The following ST7L variants were observed in gnomAD, a reference collection of about 807,000 sequenced individuals.
The protein encoded by ST7L is suppression of tumorigenicity 7 like, also known as suppressor of tumorigenicity 7 protein-like.
Under a neutral mutation model 72.5 loss-of-function variants are expected in ST7L, and 57 were observed. That is an observed-to-expected ratio of 0.79 (90% CI 0.64 to 0.98). The LOEUF is 0.98. Among genes scored for constraint, ST7L ranks in the 50% least tolerant of loss-of-function variants. The pLI, the probability that ST7L is intolerant of heterozygous loss-of-function variation, is 0.00. For missense variants in ST7L, 576 were observed against 672.2 expected (o/e 0.86, Z 1.58); for synonymous variants, 221 against 240.9 (o/e 0.92, Z 0.77).
At chr1:112,555,821 A>G (rs1659016547) in intron 12 of ST7L, 47 bp downstream of exon 12, 1 of 1,405,988 alleles carries the variant, frequency 7.1e-7, no homozygotes, top group South Asian at 1.9e-5. Context: ...TGTGAATTCA[A>G]TGAATAGTTA....
At chr1:112,577,438 G>A (rs988889576) in intron 10 of ST7L, among the ~76,000 whole-genome samples, 1 of 147,776 alleles carries the variant, frequency 6.8e-6, no homozygotes, top group African/African-American at 2.5e-5. Context: ...GCTGAGGCAG[G>A]AGAATCACTT....
intron 9 of ST7L, among the ~76,000 whole-genome samples, chr1:112,581,398 CTTTT>C (rs5777129): frequency 6.7e-5 from 9 of 135,196 alleles, no homozygotes; most frequent in East Asian, 2.2e-4. Flanking sequence ...GGCTCCCCGT[CTTTT>C]TTTTTTTTTT....
At chr1:112,557,006 A>G (rs1237485626) in intron 11 of ST7L, among the ~76,000 whole-genome samples, 1 of 148,800 alleles carries the variant, frequency 6.7e-6, no homozygotes, top group Non-Finnish European at 1.5e-5. Context: ...AAACACAAAG[A>G]AAAGAAAAAA....
chr1:112,540,290 G>A (rs1013068768), intron 14 of ST7L: 38 of 985,260 alleles, frequency 3.9e-5, no homozygotes, highest in Admixed American at 6.2e-5. Flanking sequence ...CACATACACA[G>A]TTGCACATTT....
Position 112,560,105 on chromosome 1 carries a change from A to G in ST7L, c.1246-4087T>C, listed in dbSNP as rs561663027. Reference sequence around the variant, plus strand: ...TCCAATTTGACTTTAAAACAAAGCAATTTTTCGGGCCAGGCGCAGTGGTTC... The same window carrying G: ...TCCAATTTGACTTTAAAACAAAGCAGTTTTTCGGGCCAGGCGCAGTGGTTC... On this transcript the variant is annotated intron_variant, in intron 11 of 14. Transcript: ENST00000358039. 2.0e-4 allele frequency among the ~76,000 whole-genome samples: 30 copies of G among 151,068 alleles called. 1 individual carries two copies. The highest frequency in any genetic ancestry group is 1.5e-3 in the Admixed American group (23 of 15,196).
intron 9 of ST7L, among the ~76,000 whole-genome samples, chr1:112,581,399 T>C (rs1267146674): frequency 2.6e-5 from 1 of 38,300 alleles, no homozygotes; most frequent in Non-Finnish European, 5.8e-5. Context: ...GCTCCCCGTC[T>C]TTTTTTTTTT....
At chr1:112,606,777 T>C (rs1203530471) in intron 3 of ST7L, among the ~76,000 whole-genome samples, 1 of 152,212 alleles carries the variant, frequency 6.6e-6, no homozygotes, top group East Asian at 1.9e-4. Context: ...GCTCTCCTCC[T>C]GGCCTTCAGA....
At chr1:112,578,248 T>C in intron 10 of ST7L, 97 bp downstream of exon 10, 4 of 1,184,274 alleles carry the variant, frequency 3.4e-6, no homozygotes, top group Non-Finnish European at 5.0e-6. Context: ...CAGAAGGAAG[T>C]AGAGTGGAAA....
rs1470639198 is a variant in ST7L at position 112,525,261 on chromosome 1, C to T, written c.*752G>A. On this transcript the variant is annotated 3_prime_UTR_variant, in exon 15 of 15. Coordinates refer to ENST00000358039, the MANE Select transcript of ST7L (RefSeq NM_017744.5). ...GAGAGCTTTGGATTCCAGGGATGAT[C>T]TCCATAAGAGAGAAGCACTGGAAAA... 6.6e-6 allele frequency: 1 copy of T among 152,150 alleles called. No homozygotes were observed. The highest frequency in any genetic ancestry group is 1.5e-5 in the Non-Finnish European group (1 of 68,028). 9.4% of individuals were successfully genotyped at this position (152,150 alleles called of 1,614,324 possible). A position where few individuals can be genotyped will look rare whatever the true frequency, so the allele number is the denominator to read the frequency against.
chr1:112,549,435 A>G (rs1328314076), intron 13 of ST7L, among the ~76,000 whole-genome samples: 1 of 152,004 alleles, frequency 6.6e-6, no homozygotes, highest in Non-Finnish European at 1.5e-5. Flanking sequence ...CAATCCATCA[A>G]CATGGAATGT....
chr1:112,541,851 A>G (rs906296467), intron 14 of ST7L, 100 bp downstream of exon 14: 2 of 1,501,360 alleles, frequency 1.3e-6, no homozygotes, highest in African/African-American at 1.4e-5. Context: ...ATTTACAACA[A>G]ATATCTTCCA....
intron 14 of ST7L, 154 bp from the exon 15 acceptor site, chr1:112,526,265 C>T (rs1653366587): frequency 1.1e-6 from 1 of 916,154 alleles, no homozygotes; most frequent in African/African-American, 1.7e-5. Flanking sequence ...CCACTATTAC[C>T]ACCAGTACCA....
chr1:112,555,558 C>T lies in ST7L; in HGVS notation c.1396+310G>A, dbSNP rs143828846. Among the ~76,000 whole-genome samples the T allele has an allele frequency of 7.7e-3, 1,164 of 151,974 alleles. 5 individuals are homozygous for T. The highest frequency in any genetic ancestry group is 0.011 in the Admixed American group (174 of 15,276). On this transcript the variant is annotated intron_variant, in intron 12 of 14. Coordinates refer to ENST00000358039, the MANE Select transcript of ST7L (RefSeq NM_017744.5). ...CCAGCCTGGGGGACAGAGTGAGACT[C>T]CGTCTCAAAAAAAAACAAAAAAAGT...
intron 11 of ST7L, among the ~76,000 whole-genome samples, chr1:112,570,160 AC>A (rs1661830364): frequency 6.6e-6 from 1 of 152,148 alleles, no homozygotes; most frequent in African/African-American, 2.4e-5. Flanking sequence ...AAAAAAGTTC[AC>A]TGAATCAAAG....
intron 5 of ST7L, among the ~76,000 whole-genome samples, chr1:112,593,456 AAG>A (rs958941670): frequency 2.0e-5 from 3 of 152,198 alleles, no homozygotes; most frequent in Non-Finnish European, 1.5e-5. Flanking sequence ...ATAAGCTAAC[AAG>A]CACAAAACAG....
intron 2 of ST7L, among the ~76,000 whole-genome samples, chr1:112,613,159 A>G (rs1558062828): frequency 6.6e-6 from 1 of 152,178 alleles, no homozygotes; most frequent in Admixed American, 6.5e-5. Flanking sequence ...AAGGGCAACA[A>G]CAACACACTT....
chr1:112,570,274 T>C (rs965854803), intron 11 of ST7L, among the ~76,000 whole-genome samples: 1 of 151,934 alleles, frequency 6.6e-6, no homozygotes, highest in Non-Finnish European at 1.5e-5. Context: ...ATTCATTTAG[T>C]AGAATAAAAA....
At chr1:112,545,311 C>T (rs1656869748) in intron 13 of ST7L, among the ~76,000 whole-genome samples, 1 of 152,064 alleles carries the variant, frequency 6.6e-6, no homozygotes, top group African/African-American at 2.4e-5. Context: ...TAGCTTACAG[C>T]TTTGACAACA....
At chr1:112,518,857 T>C (rs1012693785), downstream of ST7L, among the ~76,000 whole-genome samples, 9 of 152,316 alleles carry the variant, frequency 5.9e-5, no homozygotes, top group East Asian at 5.8e-4. Flanking sequence ...TAGAGTCCAA[T>C]TGAACTTTCT....
Sources: gnomAD v4.1 joint callset for allele counts (sites outside exome capture counted in the v4.1 genomes callset) on GRCh38, gnomAD v4.1.1 for gene constraint, MANE v1.5 for transcripts, NCBI Gene and HGNC (gene_info 2026-07-23, HGNC 2026-07-21) for gene names.